TMC5: variants seen among roughly 807,000 people sequenced by gnomAD.
TMC5 encodes transmembrane channel-like protein 5.
TMC5 carries 86 observed loss-of-function variants against 110.5 expected under a neutral mutation model. The ratio of observed to expected loss-of-function variants is 0.78; its 90% CI spans 0.65 to 0.93. TMC5 has a LOEUF of 0.93. Ranked by LOEUF, TMC5 falls within the 40% of genes least tolerant of loss-of-function variation. TMC5 has a pLI of 0.00. For missense variants in TMC5, 1,144 were observed against 1,222.8 expected (o/e 0.94, Z 0.96); for synonymous variants, 455 against 439.5 (o/e 1.04, Z -0.44).
chr16:19,484,755 C>A (rs72785323), intron 15 of TMC5, among the ~76,000 whole-genome samples: 6,368 of 148,078 alleles, frequency 0.043, 165 homozygotes, highest in African/African-American at 0.063. Flanking sequence ...TAGAACGACA[C>A]TCCGTCTCAA....
At chr16:19,427,883 C>A (rs1049092197) in intron 1 of TMC5, among the ~76,000 whole-genome samples, 1 of 152,144 alleles carries the variant, frequency 6.6e-6, no homozygotes, top group East Asian at 1.9e-4. Flanking sequence ...TGAAAGCCAG[C>A]CGCACACTGC....
At position 19,444,164 on chromosome 16, in the gene TMC5, A is replaced by T. The variant is rs1967559538; in HGVS notation, c.872A>T (p.Asp291Val). 6.2e-7 allele frequency: 1 copy of T among 1,613,952 alleles called. No individual in the cohort carries two copies. The highest frequency in any genetic ancestry group is 1.1e-5 in the South Asian group (1 of 91,080). ...GTGGGCAGTCTTTGGGGAGAGAATG[A>T]TTACCCTGAAGGCATTGAAATGGCA... is the stretch of plus-strand genomic sequence containing the variant. ...DPVGSLWGEN[D>V]YPEGIEMASM... The change falls in exon 4 of 22, where the codon GAT (aspartate) becomes GTT (valine). Residue 291 changes from aspartate (D) to valine (V), a missense_variant. Physicochemically the swap from Asp to Val is radical, Grantham distance 152. Coordinates refer to ENST00000542583, the MANE Select transcript of TMC5 (RefSeq NM_001261841.2).
intron 5 of TMC5, among the ~76,000 whole-genome samples, chr16:19,457,709 CTTTTTTTTTTTTTTTTTTTTTTTT>C (rs573979829): frequency 2.3e-5 from 1 of 43,906 alleles, no homozygotes; most frequent in Non-Finnish European, 5.3e-5. Flanking sequence ...AGACTACATT[CTTTTTTTTTTTTTTTTTTTTTTTT>C]TTTTTTTTTT....
At chr16:19,433,720 GCT>G (rs769030233) in intron 2 of TMC5, among the ~76,000 whole-genome samples, 12 of 152,090 alleles carry the variant, frequency 7.9e-5, no homozygotes, top group Non-Finnish European at 1.3e-4. Flanking sequence ...CTAATAAGAA[GCT>G]CAGGGCAAAA....
intron 15 of TMC5, 93 bp from the exon 16 acceptor site, chr16:19,486,852 A>G (rs1468985010): frequency 9.7e-6 from 11 of 1,129,362 alleles, no homozygotes; most frequent in African/African-American, 3.1e-5. Flanking sequence ...CCAGGCCACA[A>G]TATCTTCTTT....
Position 19,474,229 on chromosome 16 carries a change from G to A in TMC5, c.2043G>A (p.Val681=), listed in dbSNP as rs1968427280. The A allele has an allele frequency of 1.9e-6, 3 of 1,614,140 alleles. No homozygotes were observed. Residue 681 remains valine, a synonymous_variant, in exon 12 of 22, where the codon GTG becomes GTA. Coordinates refer to ENST00000542583, the MANE Select transcript of TMC5 (RefSeq NM_001261841.2). The part of the protein sequence containing the change: ...VPCIYSMFRL[V]ERYEMPRHEV... ...GCATCTACTCCATGTTCAGGCTTGTGGAGAGGTACGAGATGCCACGGCACG... is the reference window on the plus strand; with the variant it reads ...GCATCTACTCCATGTTCAGGCTTGTAGAGAGGTACGAGATGCCACGGCACG...
chr16:19,496,887 C>CAAAAAAAAAAAAAAAAAA (rs67040638), intron 20 of TMC5, among the ~76,000 whole-genome samples: 5 of 80,244 alleles, frequency 6.2e-5, no homozygotes, highest in African/African-American at 2.6e-4. Flanking sequence ...AAGACTCTGT[C>CAAAAAAAAAAAAAAAAAA]AAAAAAAAAA....
chr16:19,460,500 G>T (rs886292684), intron 6 of TMC5, among the ~76,000 whole-genome samples, 166 bp downstream of exon 6: 2 of 152,176 alleles, frequency 1.3e-5, no homozygotes, highest in Non-Finnish European at 2.9e-5. Flanking sequence ...TTCTCCAGGG[G>T]CTACAGCTTA....
At chr16:19,426,455 G>T (rs529337104) in intron 1 of TMC5, among the ~76,000 whole-genome samples, 1 of 152,306 alleles carries the variant, frequency 6.6e-6, no homozygotes, top group African/African-American at 2.4e-5. Flanking sequence ...AGTGGGGAAG[G>T]GAAGAGGACA....
rs1441102568 is a variant in TMC5 at position 19,434,201 on chromosome 16, T to TA, written c.-80+3562dup. Among the ~76,000 whole-genome samples the TA allele has an allele frequency of 1.0e-3, 120 of 118,254 alleles. 3 individuals carry two copies. The highest frequency in any genetic ancestry group is 4.0e-3 in the African/African-American group (110 of 27,772). 77.6% of individuals were successfully genotyped at this position (118,254 alleles called of 152,430 possible). ...CTATTAGATATATAATATATATATC[T>TA]ATATATCTATAGTATATATATCTAT... is the stretch of plus-strand genomic sequence containing the variant. On this transcript the variant is annotated intron_variant, in intron 2 of 21. Transcript: ENST00000542583.
At chr16:19,441,432 A>G (rs1156644846) in intron 3 of TMC5, among the ~76,000 whole-genome samples, 3 of 151,074 alleles carry the variant, frequency 2.0e-5, no homozygotes, top group Non-Finnish European at 4.4e-5. Flanking sequence ...TGATCCTCCC[A>G]CCCCAGCCTC....
At chr16:19,412,614 C>A (rs866997912) in intron 1 of TMC5, among the ~76,000 whole-genome samples, 4 of 151,016 alleles carry the variant, frequency 2.6e-5, no homozygotes, top group Non-Finnish European at 4.4e-5. Flanking sequence ...TTGATCCACT[C>A]GCCTCAGCCT....
chr16:19,426,562 A>G (rs1967091667), intron 1 of TMC5, among the ~76,000 whole-genome samples: 1 of 152,120 alleles, frequency 6.6e-6, no homozygotes, highest in Admixed American at 6.5e-5. Context: ...TGCAAGAGCC[A>G]GGATGTGCAC....
chr16:19,440,128 G>T lies in TMC5; in HGVS notation c.90G>T (p.Leu30Phe). The change falls in exon 3 of 22, where the codon TTG becomes TTT. Residue 30 changes from leucine to phenylalanine, a missense_variant. By Grantham distance (22) the Leu-to-Phe change is conservative (BLOSUM62 0). Coordinates refer to ENST00000542583, the MANE Select transcript of TMC5 (RefSeq NM_001261841.2). The part of the protein sequence containing the change: ...SGSQNRTQGY[L>F]KTQGYPDVPG... ...CTCAGAACCGTACGCAGGGGTATTTGAAAACTCAAGGTTATCCAGATGTTC... is the reference window on the plus strand; with the variant it reads ...CTCAGAACCGTACGCAGGGGTATTTTAAAACTCAAGGTTATCCAGATGTTC... 1 of 1,614,102 alleles carries T rather than the reference G, an allele frequency of 6.2e-7. No individual in the cohort carries two copies. Among genetic ancestry groups the T allele is most frequent in the Non-Finnish European group, 8.5e-7 (1 of 1,180,022 alleles).
At chr16:19,436,091 C>T (rs1488087619) in intron 2 of TMC5, among the ~76,000 whole-genome samples, 1 of 151,634 alleles carries the variant, frequency 6.6e-6, no homozygotes, top group Non-Finnish European at 1.5e-5. Flanking sequence ...AGGAAACCCC[C>T]TCTCTACTAA....
intron 4 of TMC5, among the ~76,000 whole-genome samples, chr16:19,446,332 C>T (rs766034790): frequency 1.1e-4 from 16 of 152,140 alleles, no homozygotes; most frequent in Admixed American, 5.2e-4. Context: ...AGTACACAAA[C>T]GGATACAGTA....
chr16:19,463,678 C>G, intron 7 of TMC5, 98 bp from the exon 8 acceptor site: 1 of 1,434,768 alleles, frequency 7.0e-7, no homozygotes, highest in South Asian at 1.3e-5. Flanking sequence ...CTTAACAATA[C>G]TCCAGACATG....
At chr16:19,496,766 T>C (rs1196883756) in intron 20 of TMC5, among the ~76,000 whole-genome samples, 2 of 151,530 alleles carry the variant, frequency 1.3e-5, no homozygotes, top group Non-Finnish European at 2.9e-5. Flanking sequence ...GGCAGGCACC[T>C]ATAATCCCAG....
rs1464039042 is a variant in TMC5, at chr16:19,481,601, T to G, written c.2363+136T>G. ...ACCCATCCAGCCAGTCTGAGAACCA[T>G]GAATTTAGCATTTAGACTATCATTT... On this transcript the variant is annotated intron_variant, in intron 15 of 21. Coordinates refer to ENST00000542583, the MANE Select transcript of TMC5 (RefSeq NM_001261841.2). The G allele has an allele frequency of 1.0e-5, 7 of 674,386 alleles. No individual in the cohort carries two copies. In the East Asian group the frequency reaches 1.9e-4, roughly 18 times the overall value. The allele number at this position is 674,386 out of a possible 1,614,324, so 41.8% of individuals were successfully genotyped here.
Sources: allele counts gnomAD v4.1 joint callset (sites outside exome capture counted in the v4.1 genomes callset), GRCh38; gene constraint gnomAD v4.1.1; transcripts MANE v1.5; gene names NCBI Gene and HGNC (gene_info 2026-07-23, HGNC 2026-07-21).